Variants in ATXN3 observed in about 807,000 individuals in gnomAD.
ATXN3 encodes ataxin 3, also known as ataxin-3.
A neutral mutation model predicts 58.2 loss-of-function variants in ATXN3; 28 were observed. That is an observed-to-expected ratio of 0.48 (90% CI 0.36 to 0.66). The LOEUF (loss-of-function observed/expected upper bound fraction) is 0.66, where lower values mean the gene tolerates loss of function less well. Ranked by LOEUF, ATXN3 falls within the 30% of genes least tolerant of loss-of-function variation. The pLI is 0.00. For synonymous variants in ATXN3, 113 were observed against 138.5 expected, an observed-to-expected ratio of 0.82 and a Z score of 1.29; for missense variants, 321 against 422.1, an observed-to-expected ratio of 0.76 and a Z score of 2.10.
Position 92,093,251 on chromosome 14 carries a change from C to G in ATXN3, c.387+1G>C. ...AGACAAGGAAGGGTAAGAAATGTTA[C>G]CTGTTTTCCTAATTTTCTAACTGTA... is the stretch of plus-strand genomic sequence containing the variant. On this transcript the variant is annotated splice_donor_variant, in intron 5 of 10. Transcript: ENST00000644486. LOFTEE classifies it high-confidence loss of function. 1 of 1,488,946 alleles carries G rather than the reference C, an allele frequency of 6.7e-7. No individual in the cohort carries two copies. The highest frequency in any genetic ancestry group is 9.3e-7 in the Non-Finnish European group (1 of 1,078,268). The allele number at this position is 1,488,946 out of a possible 1,614,324, so 92.2% of individuals were successfully genotyped here. A position where few individuals can be genotyped will look rare whatever the true frequency, so the allele number is the denominator to read the frequency against.
chr14:92,093,944 GTTTTTT>G (rs10606586), intron 3 of ATXN3, 113 bp from the exon 4 acceptor site: 24 of 429,018 alleles, frequency 5.6e-5, no homozygotes, highest in Middle Eastern at 5.4e-4. Context: ...AAGGCTATAG[GTTTTTT>G]TTTTTTTTTT....
intron 3 of ATXN3, among the ~76,000 whole-genome samples, chr14:92,094,782 G>C (rs943726755): frequency 3.3e-5 from 5 of 152,216 alleles, no homozygotes; most frequent in African/African-American, 1.2e-4. Context: ...ACCAAGAGCA[G>C]CAAGGCACAA....
chr14:92,051,972 G>A (rs989568146), upstream of ATXN3, among the ~76,000 whole-genome samples: 4 of 151,256 alleles, frequency 2.6e-5, no homozygotes, highest in Admixed American at 6.6e-5. Context: ...TGATGCACCC[G>A]CCTTGGCCTC....
chr14:92,062,541 AT>A lies in ATXN3; in HGVS notation c.*1778del, dbSNP rs2057850388. On this transcript the variant is annotated 3_prime_UTR_variant, in exon 11 of 11. Transcript: ENST00000644486. Reference sequence around the variant, plus strand: ...TAACATAAATGTTCAGTCTTAAAATATTTAGCTTTTTAAATCTTGAGGGAGT... The same window carrying A: ...TAACATAAATGTTCAGTCTTAAAATATTAGCTTTTTAAATCTTGAGGGAGT... 6.6e-6 allele frequency: 1 copy of A among 152,208 alleles called. No homozygotes were observed. Among genetic ancestry groups the A allele is most frequent in the African/African-American group, 2.4e-5 (1 of 41,462 alleles). 9.4% of individuals were successfully genotyped at this position (152,208 alleles called of 1,614,324 possible). A position where few individuals can be genotyped will look rare whatever the true frequency, so the allele number is the denominator to read the frequency against.
intron 1 of ATXN3, among the ~76,000 whole-genome samples, chr14:92,102,279 G>A (rs1014048019): frequency 1.3e-5 from 2 of 149,642 alleles, no homozygotes; most frequent in Non-Finnish European, 3.0e-5. Flanking sequence ...AAGAAAGGAG[G>A]GAGGGAGGGA....
intron 9 of ATXN3, among the ~76,000 whole-genome samples, chr14:92,079,782 G>T (rs902492083): frequency 6.6e-6 from 1 of 152,280 alleles, no homozygotes; most frequent in African/African-American, 2.4e-5. Context: ...TTGTCCCCCA[G>T]GCTGGAGTGC....
intron 9 of ATXN3, among the ~76,000 whole-genome samples, chr14:92,073,881 T>C (rs1367260146): frequency 6.6e-6 from 1 of 150,672 alleles, no homozygotes; most frequent in Non-Finnish European, 1.5e-5. Flanking sequence ...GGTGTGGTGC[T>C]ACACACCTGT....
At chr14:92,051,546 G>A (rs1039683458), upstream of ATXN3, among the ~76,000 whole-genome samples, 3 of 151,320 alleles carry the variant, frequency 2.0e-5, no homozygotes, top group Non-Finnish European at 4.4e-5. Flanking sequence ...TAATAATGGT[G>A]TGCTTTGATG....
At chr14:92,097,009 G>T in intron 1 of ATXN3, 171 bp from the exon 2 acceptor site, 1 of 559,754 alleles carries the variant, frequency 1.8e-6, no homozygotes, top group Non-Finnish European at 3.2e-6. Context: ...CCGGGTTCAT[G>T]CCATTCTCCT....
At position 92,082,704 on chromosome 14, in the gene ATXN3, G is replaced by A. The variant is rs554956238; in HGVS notation, c.609-238C>T. On this transcript the variant is annotated intron_variant, in intron 7 of 10. Transcript: ENST00000644486. ...GACTCTCTCGACCAGGCTGGAGTGC[G>A]GTAGTGTGATTATGGCTCACTGTAG... 4.1e-5 allele frequency among the ~76,000 whole-genome samples: 6 copies of A among 147,666 alleles called. No homozygotes were observed. In the South Asian group the frequency reaches 6.4e-4, roughly 16 times the overall value.
chr14:92,105,003 T>G (rs1340900769), intron 1 of ATXN3, among the ~76,000 whole-genome samples: 3 of 152,076 alleles, frequency 2.0e-5, no homozygotes, highest in African/African-American at 7.2e-5. Flanking sequence ...TGTCTATGAT[T>G]TACGAGTCAT....
At chr14:92,098,941 A>G (rs2066051210) in intron 1 of ATXN3, among the ~76,000 whole-genome samples, 1 of 152,148 alleles carries the variant, frequency 6.6e-6, no homozygotes, top group South Asian at 2.1e-4. Context: ...GGCAACCTGA[A>G]TCCAAGTCCA....
rs2057972974 is a variant in ATXN3, at chr14:92,064,063, C to T, written c.*257G>A. 4.1e-6 allele frequency: 1 copy of T among 243,304 alleles called. No homozygotes were observed. The allele number at this position is 243,304 out of a possible 1,614,324, so 15.1% of individuals were successfully genotyped here. A position where few individuals can be genotyped will look rare whatever the true frequency, so the allele number is the denominator to read the frequency against. ...CTTTAGACATGTTACATATTGCACA[C>T]TCAAAAAAGAAAAAGAAACATTTAG... On this transcript the variant is annotated 3_prime_UTR_variant, in exon 11 of 11. Coordinates refer to ENST00000644486, the MANE Select transcript of ATXN3 (RefSeq NM_004993.6).
At chr14:92,045,641 T>C (rs2057423427) in intron 2 of ATXN3, among the ~76,000 whole-genome samples, 1 of 152,084 alleles carries the variant, frequency 6.6e-6, no homozygotes, top group Non-Finnish European at 1.5e-5. Flanking sequence ...TCCTTGAGGA[T>C]AGATTTCCAT....
At chr14:92,055,727 G>A (rs780135776), downstream of ATXN3, among the ~76,000 whole-genome samples, 2 of 152,330 alleles carry the variant, frequency 1.3e-5, no homozygotes, top group East Asian at 1.9e-4. The surrounding 1 kb of genome is among the most constrained non-coding windows in gnomAD (Gnocchi z 4.5). Context: ...TTGGGAGGCC[G>A]AGGCGGGTGG....
chr14:92,096,416 A>G, intron 2 of ATXN3: 1 of 956,446 alleles, frequency 1.0e-6, no homozygotes, highest in East Asian at 2.7e-5. Flanking sequence ...TAAGGTCAGG[A>G]GTTTGAGACC....
At chr14:92,075,857 C>A (rs1191092786) in intron 9 of ATXN3, among the ~76,000 whole-genome samples, 1 of 152,178 alleles carries the variant, frequency 6.6e-6, no homozygotes, top group Non-Finnish European at 1.5e-5. Context: ...GAAGTTAGTT[C>A]TTAACTCTTC....
intron 10 of ATXN3, 63 bp from the exon 11 acceptor site, chr14:92,064,477 G>T: frequency 8.2e-7 from 1 of 1,216,724 alleles, no homozygotes; most frequent in Non-Finnish European, 1.2e-6. Context: ...TCATCAAAAG[G>T]CAAGTTCTCA....
intron 10 of ATXN3, among the ~76,000 whole-genome samples, chr14:92,068,551 C>G (rs898924941): frequency 1.3e-5 from 2 of 152,064 alleles, no homozygotes; most frequent in African/African-American, 4.8e-5. Flanking sequence ...AGGTCCCTAG[C>G]CAGTCTGTCT....
Sources: gnomAD v4.1 joint callset for allele counts (sites outside exome capture counted in the v4.1 genomes callset) on GRCh38, gnomAD v4.1.1 for gene constraint, Gnocchi (gnomAD v3.1) non-coding constraint, MANE v1.5 for transcripts, NCBI Gene and HGNC (gene_info 2026-07-23, HGNC 2026-07-21) for gene names.